KSR1: variants seen among roughly 807,000 people sequenced by gnomAD.
KSR1 encodes the protein kinase suppressor of ras.
A neutral mutation model predicts 92.9 loss-of-function variants in KSR1; 35 were observed. The observed-to-expected ratio is 0.38, with a 90% confidence interval of 0.29 to 0.50. The LOEUF (loss-of-function observed/expected upper bound fraction) is 0.50, where lower values mean the gene tolerates loss of function less well. Among genes scored for constraint, KSR1 ranks in the 20% least tolerant of loss-of-function variants. The pLI, the probability that KSR1 is intolerant of heterozygous loss-of-function variation, is 0.94. For missense variants in KSR1, 972 were observed against 1,158.5 expected, an observed-to-expected ratio of 0.84 and a Z score of 2.34; for synonymous variants, 467 against 472.6, an observed-to-expected ratio of 0.99 and a Z score of 0.15.
At chr17:27,534,780 A>G (rs1310631940) in intron 1 of KSR1, among the ~76,000 whole-genome samples, 1 of 152,216 alleles carries the variant, frequency 6.6e-6, no homozygotes, top group Non-Finnish European at 1.5e-5. Flanking sequence ...ATTGCTTGTT[A>G]GAGAAGGTGG....
rs2073853677 is a variant in KSR1 at position 27,609,396 on chromosome 17, G to A, written c.2225+67G>A. ...ATGGGGAAGAGCAGGGCTGAGGTCT[G>A]GGCACTTTCACTGTTTGTTGCTGAG... On this transcript the variant is annotated intron_variant, in intron 16 of 20. Coordinates refer to ENST00000644974, the MANE Select transcript of KSR1 (RefSeq NM_001394583.1). The A allele has an allele frequency of 1.3e-6, 2 of 1,589,238 alleles. 1 individual carries two copies. The highest frequency in any genetic ancestry group is 3.4e-5 in the Admixed American group (2 of 59,468).
rs1310519471 is a variant in KSR1, at chr17:27,559,620, C to T, written c.372+8912C>T. The stretch of plus-strand genomic sequence containing the variant: ...ATGCTGAAGACACCTTCCTCTGCCC[C>T]AGGAGCACACAGACTGGGGTGAAAC... On this transcript the variant is annotated intron_variant, in intron 2 of 20. Coordinates refer to ENST00000644974, the MANE Select transcript of KSR1 (RefSeq NM_001394583.1). The surrounding 1 kb of genome is among the most constrained non-coding windows in gnomAD (Gnocchi z 4.2). Among the ~76,000 whole-genome samples the T allele has an allele frequency of 6.6e-6, 1 of 152,250 alleles. No homozygotes were observed. Among genetic ancestry groups the T allele is most frequent in the African/African-American group, 2.4e-5 (1 of 41,464 alleles).
At chr17:27,545,347 C>T (rs1567811422) in intron 1 of KSR1, among the ~76,000 whole-genome samples, 1 of 152,310 alleles carries the variant, frequency 6.6e-6, no homozygotes, top group East Asian at 1.9e-4. Flanking sequence ...CTGTCTGGCA[C>T]AATGTATTGT....
At chr17:27,596,948 G>T (rs1289808464) in intron 9 of KSR1, among the ~76,000 whole-genome samples, 1 of 152,214 alleles carries the variant, frequency 6.6e-6, no homozygotes, top group African/African-American at 2.4e-5. Context: ...TAGACACGGT[G>T]CCCTGATGAA....
At chr17:27,469,561 T>C (rs1270231995) in intron 1 of KSR1, among the ~76,000 whole-genome samples, 1 of 152,212 alleles carries the variant, frequency 6.6e-6, no homozygotes, top group Non-Finnish European at 1.5e-5. Context: ...GCAAGTTCTT[T>C]AGCTCTCTGG....
intron 2 of KSR1, among the ~76,000 whole-genome samples, chr17:27,575,429 G>A (rs960596314): frequency 2.0e-5 from 3 of 152,192 alleles, no homozygotes; most frequent in African/African-American, 7.2e-5. Context: ...GCATTATAAT[G>A]AGCATATAAT....
In KSR1 at chr17:27,495,317, A is replaced by G. The variant is rs1446136542; in HGVS notation, c.231+38443A>G. Among the ~76,000 whole-genome samples the G allele has an allele frequency of 2.0e-5, 3 of 152,174 alleles. No individual in the cohort carries two copies. In the East Asian group the frequency reaches 5.8e-4, roughly 29 times the overall value. Reference sequence around the variant, plus strand: ...CCAACATCTTGGGAGGCAGAAAAGCATAGTTTATATGTGTGCTTGTCTTTA... The same window carrying G: ...CCAACATCTTGGGAGGCAGAAAAGCGTAGTTTATATGTGTGCTTGTCTTTA... On this transcript the variant is annotated intron_variant, in intron 1 of 20. Coordinates refer to ENST00000644974, the MANE Select transcript of KSR1 (RefSeq NM_001394583.1).
At chr17:27,504,376 G>A (rs1341805493) in intron 1 of KSR1, among the ~76,000 whole-genome samples, 4 of 152,148 alleles carry the variant, frequency 2.6e-5, no homozygotes, top group Admixed American at 6.5e-5. Flanking sequence ...AGGGCCTCTC[G>A]CAGGCTGTGG....
At chr17:27,575,333 T>C (rs765220290) in intron 2 of KSR1, among the ~76,000 whole-genome samples, 1 of 152,192 alleles carries the variant, frequency 6.6e-6, no homozygotes, top group Non-Finnish European at 1.5e-5. Context: ...TCCCCCTCTT[T>C]AGACCATATA....
intron 2 of KSR1, among the ~76,000 whole-genome samples, chr17:27,569,677 T>G (rs1462296490): frequency 6.6e-6 from 1 of 152,226 alleles, no homozygotes; most frequent in African/African-American, 2.4e-5. Flanking sequence ...GTATCCATAG[T>G]TAAATTTTAT....
chr17:27,611,412 G>C lies in KSR1; in HGVS notation c.2358-82G>C, dbSNP rs1056912611. The C allele has an allele frequency of 2.5e-6, 4 of 1,578,808 alleles. No homozygotes were observed. The African/African-American group carries it at 4.1e-5, about 16-fold the overall frequency. The stretch of plus-strand genomic sequence containing the variant: ...GCTGGAGAAGGGTCCTGATCCTCTG[G>C]CTGGGCTATGGCTCAAGGGCCCCTG... On this transcript the variant is annotated intron_variant, in intron 17 of 20. Transcript: ENST00000644974.
At chr17:27,597,216 G>C in intron 9 of KSR1, 52 bp from the exon 10 acceptor site, 1 of 1,538,824 alleles carries the variant, frequency 6.5e-7, no homozygotes, top group Non-Finnish European at 8.8e-7. Flanking sequence ...GCTGGTGGGA[G>C]GCAGGTGGGG....
chr17:27,557,003 CA>C (rs1238661341), intron 2 of KSR1, among the ~76,000 whole-genome samples: 2 of 152,188 alleles, frequency 1.3e-5, no homozygotes, highest in Non-Finnish European at 2.9e-5. Flanking sequence ...GGAGGAGTGC[CA>C]AGGTCCTGCC....
intron 2 of KSR1, among the ~76,000 whole-genome samples, chr17:27,571,084 C>T (rs955472269): frequency 1.6e-4 from 24 of 152,182 alleles, no homozygotes; most frequent in African/African-American, 5.6e-4. Context: ...GTGTTGGCCT[C>T]TAGGGAATGG....
intron 1 of KSR1, among the ~76,000 whole-genome samples, chr17:27,499,700 T>A (rs1428406633): frequency 1.3e-5 from 2 of 152,208 alleles, no homozygotes; most frequent in Non-Finnish European, 2.9e-5. Flanking sequence ...CTTCATGTGC[T>A]CCCCACAGTG....
chr17:27,491,074 CACACACAT>C (rs2068808569), intron 1 of KSR1, among the ~76,000 whole-genome samples: 1 of 152,046 alleles, frequency 6.6e-6, no homozygotes, highest in Non-Finnish European at 1.5e-5. Context: ...TGTATCTATA[CACACACAT>C]ACACACATAT....
intron 1 of KSR1, among the ~76,000 whole-genome samples, chr17:27,495,532 C>T (rs1282015855): frequency 6.6e-6 from 1 of 152,138 alleles, no homozygotes; most frequent in Non-Finnish European, 1.5e-5. Flanking sequence ...TGATCTGCCC[C>T]AAAGGTGGAG....
At chr17:27,572,708 C>T (rs1250639455) in intron 2 of KSR1, among the ~76,000 whole-genome samples, 1 of 152,182 alleles carries the variant, frequency 6.6e-6, no homozygotes, top group Non-Finnish European at 1.5e-5. Context: ...AGAGATGATC[C>T]AGGAAAGTTG....
At chr17:27,568,277 T>G (rs1251294890) in intron 2 of KSR1, among the ~76,000 whole-genome samples, 1 of 152,222 alleles carries the variant, frequency 6.6e-6, no homozygotes. Context: ...TGCTGTGGCC[T>G]GGCTCATCTC....
Sources: allele counts gnomAD v4.1 joint callset (sites outside exome capture counted in the v4.1 genomes callset), GRCh38; gene constraint gnomAD v4.1.1; non-coding constraint Gnocchi (gnomAD v3.1); transcripts MANE v1.5; gene names NCBI Gene and HGNC (gene_info 2026-07-23, HGNC 2026-07-21).